CHD7: variants seen among roughly 807,000 people sequenced by gnomAD.
CHD7 encodes the protein ATP-dependent chromatin remodeler CHD7.
CHD7 carries 24 observed loss-of-function variants against 307.3 expected under a neutral mutation model. The ratio of observed to expected loss-of-function variants is 0.08; its 90% CI spans 0.06 to 0.11. The LOEUF is 0.11. Ranked by LOEUF, CHD7 falls within the 10% of genes least tolerant of loss-of-function variation. The probability of loss-of-function intolerance (pLI) is 1.00; values close to 1 mark genes in which losing one functional copy is unlikely to be tolerated. For missense variants in CHD7, 3,106 were observed against 3,727.1 expected (o/e 0.83, Z 4.34); for synonymous variants, 1,363 against 1,349.9 (o/e 1.01, Z -0.21).
intron 7 of CHD7, among the ~76,000 whole-genome samples, chr8:60,814,507 G>T (rs529795451): frequency 6.6e-6 from 1 of 152,142 alleles, no homozygotes; most frequent in Admixed American, 6.5e-5. Context: ...ATGCAGTGGC[G>T]TGATCTCAGC....
At chr8:60,832,214 G>A (rs1325601364) in intron 15 of CHD7, among the ~76,000 whole-genome samples, 9 of 151,952 alleles carry the variant, frequency 5.9e-5, no homozygotes, top group South Asian at 2.1e-4. Flanking sequence ...TTGTAGAGAC[G>A]GGGTTTCTCC....
At chr8:60,758,783 T>G (rs763491736) in intron 2 of CHD7, among the ~76,000 whole-genome samples, 2 of 152,204 alleles carry the variant, frequency 1.3e-5, no homozygotes, top group Non-Finnish European at 2.9e-5. Flanking sequence ...CCTTGGTGCT[T>G]TGGTGAGCAG....
Position 60,865,573 on chromosome 8 carries a change from T to A in CHD7, c.8634T>A (p.Thr2878=). The A allele has an allele frequency of 6.2e-7, 1 of 1,614,074 alleles. No homozygotes were observed. The highest frequency in any genetic ancestry group is 8.5e-7 in the Non-Finnish European group (1 of 1,179,896). Residue 2878 remains threonine, a synonymous_variant, in exon 38 of 38, where the codon ACT becomes ACA. Transcript: ENST00000423902. The surrounding 1 kb of genome is among the most constrained non-coding windows in gnomAD (Gnocchi z 4.3). The part of the protein sequence containing the change: ...DSANGSVGAA[T]APAGLPSNPL... ...CGAATGGATCTGTTGGTGCTGCTACTGCCCCGGCTGGATTGCCCTCAAACC... is the reference window on the plus strand; with the variant it reads ...CGAATGGATCTGTTGGTGCTGCTACAGCCCCGGCTGGATTGCCCTCAAACC...
chr8:60,809,718 C>T (rs1563619574), intron 7 of CHD7: 1 of 145,666 alleles, frequency 6.9e-6, no homozygotes, highest in East Asian at 2.0e-4. Context: ...TTCTGACTGT[C>T]ATTATTGAGA....
rs1805578849 is a variant in CHD7 at position 60,853,637 on chromosome 8, G to A, written c.6775+137G>A. 5 of 655,184 alleles carry A rather than the reference G, an allele frequency of 7.6e-6. No homozygotes were observed. The East Asian group carries it at 1.4e-4, about 19-fold the overall frequency. 40.6% of individuals were successfully genotyped at this position (655,184 alleles called of 1,614,324 possible). A position where few individuals can be genotyped will look rare whatever the true frequency, so the allele number is the denominator to read the frequency against. On this transcript the variant is annotated intron_variant, in intron 31 of 37. Transcript: ENST00000423902. Reference sequence around the variant, plus strand: ...TTCTTCTGTGAAGGGATAATTTCAAGTTATGCTTATATCTGTGTTTTGCTC... The same window carrying A: ...TTCTTCTGTGAAGGGATAATTTCAAATTATGCTTATATCTGTGTTTTGCTC...
In CHD7 at chr8:60,844,933, A is replaced by G. The variant is rs757952334; in HGVS notation, c.4920A>G (p.Glu1640=). The change falls in exon 22 of 38, where the codon GAA becomes GAG. Residue 1640 remains glutamate, a synonymous_variant. Coordinates refer to ENST00000423902, the MANE Select transcript of CHD7 (RefSeq NM_017780.4). ...YKRQLTEQDV[E]TICRTILVYC... is the part of the protein sequence containing the mutation. Reference sequence around the variant, plus strand: ...GCCAACTCACTGAGCAAGATGTAGAAACCATCTGCAGAACCATCCTGGTGT... The same window carrying G: ...GCCAACTCACTGAGCAAGATGTAGAGACCATCTGCAGAACCATCCTGGTGT... 65 of 1,613,866 alleles carry G rather than the reference A, an allele frequency of 4.0e-5. No homozygotes were observed. Among genetic ancestry groups the G allele is most frequent in the Non-Finnish European group, 5.4e-5 (64 of 1,179,774 alleles).
rs1183427297 is a variant in CHD7, at chr8:60,852,555, T to G, written c.5952T>G (p.Ile1984Met). 6.2e-7 allele frequency: 1 copy of G among 1,613,852 alleles called. No homozygotes were observed. The highest frequency in any genetic ancestry group is 1.3e-5 in the African/African-American group (1 of 74,922). ...FYRVVSTFGV[I>M]FDPVKQQFDW... ...GTGTGGTATCCACCTTTGGGGTTAT[T>G]TTTGACCCTGTGAAACAGCAATTTG... The change falls in exon 30 of 38, where the codon ATT becomes ATG. Residue 1984 changes from isoleucine (I) to methionine (M), a missense_variant. Around this residue, in one of 10 missense-constraint regions of CHD7, gnomAD observed 1,030 missense variants for 1,165.4 expected, o/e 0.88. Coordinates refer to ENST00000423902, the MANE Select transcript of CHD7 (RefSeq NM_017780.4).
At chr8:60,826,933 A>G (rs1264743334) in intron 13 of CHD7, among the ~76,000 whole-genome samples, 1 of 152,240 alleles carries the variant, frequency 6.6e-6, no homozygotes, top group East Asian at 1.9e-4. Flanking sequence ...CTGCTAGCAT[A>G]GGTGGAGGTG....
At chr8:60,820,177 T>G in intron 9 of CHD7, 87 bp downstream of exon 9, 1 of 795,498 alleles carries the variant, frequency 1.3e-6, no homozygotes, top group Non-Finnish European at 2.1e-6. Context: ...CTAGACCTGG[T>G]CTTGGTCAGA....
intron 1 of CHD7, among the ~76,000 whole-genome samples, chr8:60,680,306 G>C (rs1214900133): frequency 2.0e-5 from 3 of 148,630 alleles, no homozygotes; most frequent in African/African-American, 7.4e-5. Context: ...CGGGGATTGG[G>C]CTCGCTGGGG....
intron 1 of CHD7, among the ~76,000 whole-genome samples, chr8:60,716,676 T>C (rs1343231683): frequency 2.0e-5 from 3 of 152,250 alleles, no homozygotes; most frequent in Non-Finnish European, 4.4e-5. Flanking sequence ...TATTTACTTA[T>C]TTATTTTGTT....
At chr8:60,722,397 G>C (rs1410050533) in intron 1 of CHD7, among the ~76,000 whole-genome samples, 1 of 152,100 alleles carries the variant, frequency 6.6e-6, no homozygotes, top group Non-Finnish European at 1.5e-5. Context: ...TGCTTAAAAT[G>C]TTTTGTGTTG....
rs1027524513 is a variant in CHD7 at position 60,781,528 on chromosome 8, C to A, written c.2096+98C>A. On this transcript the variant is annotated intron_variant, in intron 3 of 37. Coordinates refer to ENST00000423902, the MANE Select transcript of CHD7 (RefSeq NM_017780.4). ...ATGAAATGAGGGGTGGGAGGGGACA[C>A]AATGATTTTTGTCATCATTGAGTTT... 14 of 1,398,732 alleles carry A rather than the reference C, an allele frequency of 1.0e-5. No individual in the cohort carries two copies. In the East Asian group the frequency reaches 3.6e-4, roughly 36 times the overall value. 86.6% of individuals were successfully genotyped at this position (1,398,732 alleles called of 1,614,324 possible). A position where few individuals can be genotyped will look rare whatever the true frequency, so the allele number is the denominator to read the frequency against.
chr8:60,805,594 GAGTC>G, intron 6 of CHD7, among the ~76,000 whole-genome samples: 1 of 152,306 alleles, frequency 6.6e-6, no homozygotes. Context: ...ATGGCTGTAA[GAGTC>G]AGAGCTTTCT....
chr8:60,701,063 C>A (rs1338722699), intron 1 of CHD7, among the ~76,000 whole-genome samples: 1 of 152,216 alleles, frequency 6.6e-6, no homozygotes, highest in African/African-American at 2.4e-5. Context: ...TGATGCAATT[C>A]AGAATCTGTT....
At position 60,781,031 on chromosome 8, in the gene CHD7, C is replaced by G; in HGVS notation, c.1697C>G (p.Pro566Arg). 2 of 1,581,388 alleles carry G rather than the reference C, an allele frequency of 1.3e-6. No homozygotes were observed. The highest frequency in any genetic ancestry group is 1.7e-6 in the Non-Finnish European group (2 of 1,167,310). The change falls in exon 3 of 38, where the codon CCA becomes CGA. Residue 566 changes from proline (P) to arginine (R), a missense_variant. Pro to Arg is a moderately radical substitution (Grantham distance 103, BLOSUM62 -2). Coordinates refer to ENST00000423902, the MANE Select transcript of CHD7 (RefSeq NM_017780.4). ...HSPSEPFLEKPVPDMTQVSGP... is the reference protein window; with the variant it reads ...HSPSEPFLEKRVPDMTQVSGP... ...CCGTCGGAGCCCTTTCTAGAGAAAC[C>G]AGTGCCGGATATGACTCAGGTTAGT... is the stretch of plus-strand genomic sequence containing the variant.
intron 1 of CHD7, among the ~76,000 whole-genome samples, chr8:60,739,669 G>A (rs1348228178): frequency 6.6e-6 from 1 of 152,202 alleles, no homozygotes. Context: ...TGTTATGTCT[G>A]TAGTTCTGAC....
intron 25 of CHD7, 74 bp downstream of exon 25, chr8:60,849,228 T>C: frequency 1.1e-6 from 1 of 909,606 alleles, no homozygotes; most frequent in Non-Finnish European, 1.7e-6. Flanking sequence ...TACATACTCT[T>C]TTCCAAAGTC....
intron 6 of CHD7, among the ~76,000 whole-genome samples, chr8:60,802,500 C>G (rs1329971079): frequency 1.3e-5 from 2 of 152,126 alleles, no homozygotes; most frequent in Non-Finnish European, 2.9e-5. Context: ...AAGGATGGAA[C>G]TACAAGTTCA....
Sources: gnomAD v4.1 joint callset for allele counts (sites outside exome capture counted in the v4.1 genomes callset) on GRCh38, gnomAD v4.1.1 for gene constraint, gnomAD v4.1.1 regional missense constraint, Gnocchi (gnomAD v3.1) non-coding constraint, MANE v1.5 for transcripts, NCBI Gene and HGNC (gene_info 2026-07-23, HGNC 2026-07-21) for gene names.